NRG1: variants seen among roughly 807,000 people sequenced by gnomAD.
NRG1 encodes neuregulin 1.
Under a neutral mutation model 63.8 loss-of-function variants are expected in NRG1, and 18 were observed. The ratio of observed to expected loss-of-function variants is 0.28; its 90% CI spans 0.19 to 0.42. The LOEUF (loss-of-function observed/expected upper bound fraction) is 0.42, where lower values mean the gene tolerates loss of function less well. Among genes scored for constraint, NRG1 ranks in the 10% least tolerant of loss-of-function variants. NRG1 has a pLI of 1.00. For missense variants in NRG1, 762 were observed against 814.7 expected, an observed-to-expected ratio of 0.94 and a Z score of 0.79; for synonymous variants, 302 against 301.3, an observed-to-expected ratio of 1.00 and a Z score of -0.02.
intron 1 of NRG1, among the ~76,000 whole-genome samples, chr8:32,141,247 C>A (rs1255966491): frequency 6.6e-6 from 1 of 151,972 alleles, no homozygotes; most frequent in African/African-American, 2.4e-5. Flanking sequence ...AGGGCAGCAA[C>A]AAGCTTGCTA....
intron 5 of NRG1, among the ~76,000 whole-genome samples, chr8:32,698,984 A>G (rs1589274049): frequency 6.6e-6 from 1 of 152,352 alleles, no homozygotes; most frequent in Non-Finnish European, 1.5e-5. Context: ...ATTTACAAAT[A>G]AGGTGTAAAC....
chr8:31,667,955 T>C (rs989712740), intron 1 of NRG1, among the ~76,000 whole-genome samples: 1 of 152,232 alleles, frequency 6.6e-6, no homozygotes, highest in Non-Finnish European at 1.5e-5. Flanking sequence ...GGATATTGGC[T>C]CAGCAATAAA....
At chr8:32,680,220 G>T (rs567537715) in intron 5 of NRG1, among the ~76,000 whole-genome samples, 5 of 152,236 alleles carry the variant, frequency 3.3e-5, no homozygotes, top group Admixed American at 2.6e-4. Flanking sequence ...TGCACCGTGG[G>T]TGGAATGGAA....
intron 1 of NRG1, among the ~76,000 whole-genome samples, chr8:32,126,738 G>T (rs1260639598): frequency 6.6e-6 from 1 of 151,928 alleles, no homozygotes; most frequent in Non-Finnish European, 1.5e-5. Context: ...CCATCACACT[G>T]ATTGTTGTTT....
intron 1 of NRG1, among the ~76,000 whole-genome samples, chr8:31,974,769 T>C (rs1229948019): frequency 6.6e-6 from 1 of 152,212 alleles, no homozygotes; most frequent in South Asian, 2.1e-4. Flanking sequence ...AAATGTTCCT[T>C]AAAGCCAGCT....
intron 1 of NRG1, among the ~76,000 whole-genome samples, chr8:32,251,215 A>G (rs1047919997): frequency 6.7e-6 from 1 of 149,908 alleles, no homozygotes; most frequent in Admixed American, 6.7e-5. Flanking sequence ...CGCTCCCCCC[A>G]CCCCACAACA....
At position 31,770,771 on chromosome 8, in the gene NRG1, A is replaced by G. The variant is rs1484693564; in HGVS notation, c.37+131340A>G. Among the ~76,000 whole-genome samples the G allele has an allele frequency of 1.4e-3, 3 of 2,212 alleles. No individual in the cohort carries two copies. The East Asian group carries it at 0.038, about 28-fold the overall frequency. The allele number at this position is 2,212 out of a possible 152,430, so 1.5% of individuals were successfully genotyped here. A position where few individuals can be genotyped will look rare whatever the true frequency, so the allele number is the denominator to read the frequency against. ...CCCTAGAACTTAAAGTATAATAAAC[A>G]TATATATATATATATATATATATAT... On this transcript the variant is annotated intron_variant, in intron 1 of 10. Transcript: ENST00000519301.
chr8:32,415,580 T>C (rs1042464532), intron 1 of NRG1, among the ~76,000 whole-genome samples: 1 of 152,190 alleles, frequency 6.6e-6, no homozygotes. Context: ...GTTTATTCTC[T>C]GGTAGAGAAG....
intron 1 of NRG1, among the ~76,000 whole-genome samples, chr8:32,237,634 T>C (rs1370739586): frequency 6.6e-6 from 1 of 152,188 alleles, no homozygotes; most frequent in Non-Finnish European, 1.5e-5. Context: ...GAGGATTCTA[T>C]TTTAGTAGTC....
At chr8:32,088,915 T>C (rs1828686785) in intron 1 of NRG1, among the ~76,000 whole-genome samples, 2 of 152,184 alleles carry the variant, frequency 1.3e-5, no homozygotes, top group Non-Finnish European at 2.9e-5. Context: ...GAAGTAGGAC[T>C]AGAACTCAAG....
intron 1 of NRG1, among the ~76,000 whole-genome samples, chr8:32,100,615 C>T (rs2131354698): frequency 6.6e-6 from 1 of 151,938 alleles, no homozygotes; most frequent in Non-Finnish European, 1.5e-5. Context: ...TTTAGACACA[C>T]ACACAATAAA....
chr8:31,660,236 G>C (rs1040784719), intron 1 of NRG1, among the ~76,000 whole-genome samples: 3 of 152,134 alleles, frequency 2.0e-5, no homozygotes, highest in Admixed American at 6.5e-5. Context: ...ATTGATTGCT[G>C]TTCTGTGGGA....
chr8:31,916,199 T>A (rs1833367543), intron 1 of NRG1, among the ~76,000 whole-genome samples: 1 of 152,108 alleles, frequency 6.6e-6, no homozygotes, highest in African/African-American at 2.4e-5. Flanking sequence ...TTTAGACCAT[T>A]TTTTTCATTT....
chr8:32,087,662 G>T (rs1828461126), intron 1 of NRG1, among the ~76,000 whole-genome samples: 1 of 151,560 alleles, frequency 6.6e-6, no homozygotes, highest in Admixed American at 6.6e-5. Context: ...GTAGAGACAG[G>T]GTTTCACCAT....
intron 1 of NRG1, among the ~76,000 whole-genome samples, chr8:31,882,540 G>T (rs1428380804): frequency 6.6e-6 from 1 of 151,960 alleles, no homozygotes; most frequent in African/African-American, 2.4e-5. Context: ...ATTTTTTAAG[G>T]TGATAGCTGC....
At chr8:31,779,912 T>C (rs545580110) in intron 1 of NRG1, among the ~76,000 whole-genome samples, 1 of 152,352 alleles carries the variant, frequency 6.6e-6, no homozygotes, top group East Asian at 1.9e-4. Flanking sequence ...CATTAGGGAA[T>C]AAAGTATTCT....
At chr8:31,938,969 TAA>T (rs1429656643) in intron 1 of NRG1, among the ~76,000 whole-genome samples, 1 of 152,152 alleles carries the variant, frequency 6.6e-6, no homozygotes, top group Admixed American at 6.5e-5. Flanking sequence ...AAGAGAAATC[TAA>T]AAGTTTGGAA....
chr8:31,644,382 GAGA>G (rs1804093847), intron 1 of NRG1, among the ~76,000 whole-genome samples: 1 of 152,150 alleles, frequency 6.6e-6, no homozygotes, highest in Admixed American at 6.5e-5. Context: ...GGTCATTTGG[GAGA>G]AGAACTCCTT....
At chr8:31,728,140 G>A (rs1028084166) in intron 1 of NRG1, among the ~76,000 whole-genome samples, 1 of 152,154 alleles carries the variant, frequency 6.6e-6, no homozygotes, top group African/African-American at 2.4e-5. Flanking sequence ...ACCATGAGAA[G>A]TGAAACTGCA....
Sources: gnomAD v4.1 joint callset for allele counts (sites outside exome capture counted in the v4.1 genomes callset) on GRCh38, gnomAD v4.1.1 for gene constraint, MANE v1.5 for transcripts, NCBI Gene and HGNC (gene_info 2026-07-23, HGNC 2026-07-21) for gene names.